INSR: variants seen among roughly 807,000 people sequenced by gnomAD.
INSR encodes the protein IR.
A neutral mutation model predicts 142.6 loss-of-function variants in INSR; 67 were observed. The ratio of observed to expected loss-of-function variants is 0.47; its 90% CI spans 0.39 to 0.58. INSR has a LOEUF of 0.58. Among genes scored for constraint, INSR ranks in the 20% least tolerant of loss-of-function variants. INSR has a pLI of 0.00. For synonymous variants in INSR, 756 were observed against 743.1 expected, an observed-to-expected ratio of 1.02 and a Z score of -0.28; for missense variants, 1,248 against 1,833.2, an observed-to-expected ratio of 0.68 and a Z score of 5.83.
chr19:7,218,653 G>T (rs1357061628), intron 2 of INSR, among the ~76,000 whole-genome samples: 1 of 152,098 alleles, frequency 6.6e-6, no homozygotes, highest in Non-Finnish European at 1.5e-5. Flanking sequence ...TGATTCTCCT[G>T]CCTCAGCCAC....
intron 2 of INSR, among the ~76,000 whole-genome samples, chr19:7,252,363 G>T (rs1013975827): frequency 6.6e-6 from 1 of 151,840 alleles, no homozygotes; most frequent in Non-Finnish European, 1.5e-5. Context: ...CTGAGATCAC[G>T]CCACTGCACT....
chr19:7,172,400 G>A lies in INSR; in HGVS notation c.1158C>T (p.Gly386=). ...NLAAELEANL[G]LIEEISGYLK... ...GATACCCTGAAATTTCTTCAATGAGGCCGAGGTTGGCTTCTAGCTCAGCTG... is the reference window on the plus strand; with the variant it reads ...GATACCCTGAAATTTCTTCAATGAGACCGAGGTTGGCTTCTAGCTCAGCTG... The change falls in exon 5 of 22, where the codon GGC becomes GGT. Residue 386 remains glycine, a synonymous_variant. Coordinates refer to ENST00000302850, the MANE Select transcript of INSR (RefSeq NM_000208.4). 18 of 1,613,936 alleles carry A rather than the reference G, an allele frequency of 1.1e-5. No individual in the cohort carries two copies. The highest frequency in any genetic ancestry group is 1.4e-5 in the Non-Finnish European group (17 of 1,180,020).
chr19:7,221,495 G>T (rs915112123), intron 2 of INSR, among the ~76,000 whole-genome samples: 1 of 152,044 alleles, frequency 6.6e-6, no homozygotes, highest in African/African-American at 2.4e-5. Flanking sequence ...ATCACCTGAG[G>T]TCAGGAGTTC....
intron 3 of INSR, among the ~76,000 whole-genome samples, chr19:7,183,659 C>T (rs557889472): frequency 2.0e-5 from 3 of 152,218 alleles, no homozygotes; most frequent in Admixed American, 2.0e-4. Context: ...GATGAAGCTA[C>T]ATCAGTGAGG....
chr19:7,174,862 T>G (rs1415592505), intron 3 of INSR, 131 bp from the exon 4 acceptor site: 1 of 952,110 alleles, frequency 1.1e-6, no homozygotes, highest in Non-Finnish European at 1.6e-6. Flanking sequence ...TGTGTTTGTG[T>G]GACAGAGTCT....
At position 7,285,980 on chromosome 19, in the gene INSR, A is replaced by G. The variant is rs542633646; in HGVS notation, c.100+7812T>C. ...ATTTTACTGTATGATAATGTTTAAA[A>G]TATTTTGTTGTTGTTGTTGTTACAC... On this transcript the variant is annotated intron_variant, in intron 1 of 21. Transcript: ENST00000302850. 2.0e-5 allele frequency among the ~76,000 whole-genome samples: 3 copies of G among 152,228 alleles called. No individual in the cohort carries two copies. The East Asian group carries it at 5.8e-4, about 29-fold the overall frequency.
intron 2 of INSR, among the ~76,000 whole-genome samples, chr19:7,187,338 C>A (rs892187072): frequency 6.6e-6 from 1 of 151,628 alleles, no homozygotes; most frequent in Admixed American, 6.6e-5. Context: ...CACCCTGGCC[C>A]CCCAAAGTAC....
chr19:7,171,158 C>A (rs551586702), intron 5 of INSR, among the ~76,000 whole-genome samples: 14 of 152,156 alleles, frequency 9.2e-5, no homozygotes, highest in African/African-American at 3.4e-4. Context: ...ATATTGCATG[C>A]CAGACCAAGA....
chr19:7,119,544 T>G lies in INSR; in HGVS notation c.3699A>C (p.Ala1233=), dbSNP rs760144521. 1 of 1,614,194 alleles carries G rather than the reference T, an allele frequency of 6.2e-7. No individual in the cohort carries two copies. Among genetic ancestry groups the G allele is most frequent in the South Asian group, 1.1e-5 (1 of 91,082 alleles). Residue 1233 remains alanine, a synonymous_variant, in exon 21 of 22, where the codon GCA becomes GCC. Transcript: ENST00000302850. The surrounding 1 kb of genome is among the most constrained non-coding windows in gnomAD (Gnocchi z 5.2). ...TAGACAGGCCTTGGTAAGGCTGTTC[T>G]GCCAAGCTGGTGATTTCCCAAAGGA... ...GVVLWEITSL[A]EQPYQGLSNE...
chr19:7,191,916 C>T (rs1421698731), intron 2 of INSR, among the ~76,000 whole-genome samples: 1 of 119,096 alleles, frequency 8.4e-6, no homozygotes, highest in Non-Finnish European at 1.7e-5. Context: ...AAGAGAAAGA[C>T]AGAAAGAAGG....
intron 1 of INSR, among the ~76,000 whole-genome samples, chr19:7,282,183 G>C (rs1285041091): frequency 6.6e-6 from 1 of 151,990 alleles, no homozygotes; most frequent in African/African-American, 2.4e-5. Flanking sequence ...TGGCCAACAT[G>C]GTGAAACCCT....
chr19:7,178,050 C>T (rs148518009), intron 3 of INSR, among the ~76,000 whole-genome samples: 252 of 152,134 alleles, frequency 1.7e-3, no homozygotes, highest in African/African-American at 5.8e-3. Flanking sequence ...TTGGTGGCAT[C>T]CTTGTTGCTG....
chr19:7,254,709 C>A (rs1976836029), intron 2 of INSR, among the ~76,000 whole-genome samples: 1 of 152,204 alleles, frequency 6.6e-6, no homozygotes. Context: ...AGGACCTGGG[C>A]TGCCAGCCTG....
intron 3 of INSR, 30 bp downstream of exon 3, chr19:7,184,286 C>T (rs780712715): frequency 2.5e-6 from 4 of 1,601,120 alleles, no homozygotes; most frequent in Non-Finnish European, 3.4e-6. Flanking sequence ...CTCCTCTCGG[C>T]TGCCCCCCAG....
At chr19:7,169,740 C>T (rs1254892087) in intron 6 of INSR, among the ~76,000 whole-genome samples, 1 of 152,166 alleles carries the variant, frequency 6.6e-6, no homozygotes, top group Non-Finnish European at 1.5e-5. Flanking sequence ...TCAGCATCAG[C>T]CTGATACACA....
At chr19:7,275,692 C>T (rs569445832) in intron 1 of INSR, among the ~76,000 whole-genome samples, 1 of 151,308 alleles carries the variant, frequency 6.6e-6, no homozygotes, top group Admixed American at 6.6e-5. Flanking sequence ...GAGGCTGAGG[C>T]AGGAGAATCG....
Position 7,230,265 on chromosome 19 carries a change from T to C in INSR, c.652+37080A>G, listed in dbSNP as rs1473692085. ...ATGGGACTCAGTAATTGATCAGGTG[T>C]AGCAATGAGGGAGAGAAAGATTCCC... On this transcript the variant is annotated intron_variant, in intron 2 of 21. Coordinates refer to ENST00000302850, the MANE Select transcript of INSR (RefSeq NM_000208.4). Among the ~76,000 whole-genome samples, 3 of 152,176 alleles carry C rather than the reference T, an allele frequency of 2.0e-5. No individual in the cohort carries two copies. In the East Asian group the frequency reaches 5.8e-4, roughly 29 times the overall value.
Position 7,119,443 on chromosome 19 carries a change from A to G in INSR, c.3794+6T>C. ...CTCACACACCTTAAACCCTTTCTAC[A>G]CTTACACTCTCTCTGGACAGTTGTC... On this transcript the variant is annotated splice_donor_region_variant and intron_variant, in intron 21 of 21. Coordinates refer to ENST00000302850, the MANE Select transcript of INSR (RefSeq NM_000208.4). The surrounding 1 kb of genome is among the most constrained non-coding windows in gnomAD (Gnocchi z 5.2). The G allele has an allele frequency of 6.2e-7, 1 of 1,614,118 alleles. No homozygotes were observed. The highest frequency in any genetic ancestry group is 1.1e-5 in the South Asian group (1 of 91,078).
Position 7,113,021 on chromosome 19 carries a change from A to T in INSR, c.*4035T>A, listed in dbSNP as rs1460668532. 4 of 152,072 alleles carry T rather than the reference A, an allele frequency of 2.6e-5. No homozygotes were observed. Among genetic ancestry groups the T allele is most frequent in the Non-Finnish European group, 5.9e-5 (4 of 68,020 alleles). 9.4% of individuals were successfully genotyped at this position (152,072 alleles called of 1,614,324 possible). A position where few individuals can be genotyped will look rare whatever the true frequency, so the allele number is the denominator to read the frequency against. ...CCTGTTCCCCATCCTCAACAAAACCATTGTTTCTGAAGAGCCTAAGGTGTC... is the reference window on the plus strand; with the variant it reads ...CCTGTTCCCCATCCTCAACAAAACCTTTGTTTCTGAAGAGCCTAAGGTGTC... On this transcript the variant is annotated 3_prime_UTR_variant, in exon 22 of 22. Transcript: ENST00000302850.
Sources: allele counts gnomAD v4.1 joint callset (sites outside exome capture counted in the v4.1 genomes callset), GRCh38; gene constraint gnomAD v4.1.1; non-coding constraint Gnocchi (gnomAD v3.1); transcripts MANE v1.5; gene names NCBI Gene and HGNC (gene_info 2026-07-23, HGNC 2026-07-21).